The following B4GALNT1 variants were observed in gnomAD, a reference collection of about 807,000 sequenced individuals.
The protein encoded by B4GALNT1 is beta-1,4-N-acetyl-galactosaminyltransferase 1, also known as beta-1,4 N-acetylgalactosaminyltransferase 1.
In B4GALNT1, 43 loss-of-function variants were observed where a neutral mutation model predicts 55.2. The ratio of observed to expected loss-of-function variants is 0.78; its 90% confidence interval spans 0.61 to 1.00. The LOEUF is 1.00. Ranked by LOEUF, B4GALNT1 falls within the 50% of genes least tolerant of loss-of-function variation. The pLI is 0.00. For synonymous variants in B4GALNT1, 305 were observed against 311.6 expected (o/e 0.98, Z 0.22); for missense variants, 664 against 729.7 (o/e 0.91, Z 1.04).
intron 8 of B4GALNT1, 55 bp from the exon 9 acceptor site, chr12:57,628,317 T>A: frequency 1.9e-6 from 3 of 1,605,318 alleles, no homozygotes; most frequent in Non-Finnish European, 2.6e-6. Context: ...CATGGCCCTC[T>A]GCCACCTTTC....
At chr12:57,630,092 A>G in intron 6 of B4GALNT1, 60 bp downstream of exon 6, 1 of 1,613,632 alleles carries the variant, frequency 6.2e-7, no homozygotes. Context: ...TGCCCACTCC[A>G]GCCTTTCTGG....
At chr12:57,632,388 C>G in intron 1 of B4GALNT1, 1 of 637,792 alleles carries the variant, frequency 1.6e-6, no homozygotes, top group Non-Finnish European at 2.8e-6. Flanking sequence ...ACACCCGAGG[C>G]CTGGCATCTT....
intron 1 of B4GALNT1, chr12:57,632,349 C>A (rs746184085): frequency 4.3e-6 from 3 of 690,084 alleles, no homozygotes; most frequent in African/African-American, 1.8e-5. Context: ...CCTTTCTTCT[C>A]GCCCTCTCCT....
At chr12:57,630,897 C>A in intron 4 of B4GALNT1, 83 bp downstream of exon 4, 2 of 1,327,140 alleles carry the variant, frequency 1.5e-6, no homozygotes, top group South Asian at 2.5e-5. Context: ...CCATTCCAAT[C>A]ATCTCCCATT....
Position 57,624,879 on chromosome 12 carries a change from CGG to C in B4GALNT1, c.*1863_*1864del. ...TTGACCTCTTAGCTCCTCCAGGTCC[CGG>C]GGCTCTGCATCCTGAGCTATCCAAC... is the stretch of plus-strand genomic sequence containing the variant. On this transcript the variant is annotated 3_prime_UTR_variant, in exon 11 of 11. Coordinates refer to ENST00000341156, the MANE Select transcript of B4GALNT1 (RefSeq NM_001478.5). The C allele has an allele frequency of 1.2e-6, 2 of 1,614,124 alleles. No homozygotes were observed. The highest frequency in any genetic ancestry group is 1.7e-6 in the Non-Finnish European group (2 of 1,180,022).
rs116098306 is a variant in B4GALNT1, at chr12:57,624,967, C to T, written c.*1777G>A. ...GCAACCTGGAGTGGCACCTGGGGCT[C>T]GGAGAAGGAGAAAAGGTGAAGGAGC... On this transcript the variant is annotated 3_prime_UTR_variant, in exon 11 of 11. Coordinates refer to ENST00000341156, the MANE Select transcript of B4GALNT1 (RefSeq NM_001478.5). 2,943 of 1,614,020 alleles carry T rather than the reference C, an allele frequency of 1.8e-3. 45 individuals are homozygous for T. In the African/African-American group the frequency reaches 0.034, roughly 19 times the overall value.
At position 57,625,221 on chromosome 12, in the gene B4GALNT1, C is replaced by A; in HGVS notation, c.*1523G>T. The A allele has an allele frequency of 1.9e-6, 3 of 1,614,126 alleles. No individual in the cohort carries two copies. Among genetic ancestry groups the A allele is most frequent in the Non-Finnish European group, 2.5e-6 (3 of 1,180,014 alleles). Reference sequence around the variant, plus strand: ...CATGGTGACACCTGGGTACTCCTGTCTTCTCCCATTCTAGTTGCTGAGCCT... The same window carrying A: ...CATGGTGACACCTGGGTACTCCTGTATTCTCCCATTCTAGTTGCTGAGCCT... On this transcript the variant is annotated 3_prime_UTR_variant, in exon 11 of 11. Transcript: ENST00000341156.
chr12:57,632,109 C>A lies in B4GALNT1; in HGVS notation c.24G>T (p.Leu8=). The A allele has an allele frequency of 6.7e-7, 1 of 1,491,468 alleles. No individual in the cohort carries two copies. The highest frequency in any genetic ancestry group is 2.5e-5 in the East Asian group (1 of 39,518). 92.4% of individuals were successfully genotyped at this position (1,491,468 alleles called of 1,614,324 possible). The stretch of plus-strand genomic sequence containing the variant: ...AGGCGAGCAGAAGGACCAGAGCGCA[C>A]AGGGCCCGGCGGCCCAGCCACATCC... The part of the protein sequence containing the change: MWLGRRA[L]CALVLLLACA... Residue 8 remains leucine (L), a synonymous_variant, in exon 2 of 11, where the codon CTG becomes CTT. Transcript: ENST00000341156.
At chr12:57,631,861 C>A in intron 2 of B4GALNT1, 54 bp downstream of exon 2, 1 of 1,345,600 alleles carries the variant, frequency 7.4e-7, no homozygotes. Flanking sequence ...AAAACAAAAG[C>A]CCCCAGACCA....
At position 57,630,256 on chromosome 12, in the gene B4GALNT1, T is replaced by C. The variant is rs868503863; in HGVS notation, c.608A>G (p.Gln203Arg). 1.2e-6 allele frequency: 2 copies of C among 1,614,242 alleles called. No individual in the cohort carries two copies. Among genetic ancestry groups the C allele is most frequent in the East Asian group, 2.2e-5 (1 of 44,894 alleles). Residue 203 changes from glutamine to arginine, a missense_variant, in exon 6 of 11, where the codon CAG (glutamine) becomes CGG (arginine). Physicochemically the swap from Gln to Arg is conservative, Grantham distance 43. Coordinates refer to ENST00000341156, the MANE Select transcript of B4GALNT1 (RefSeq NM_001478.5). ...VTGVTLTGEGQADLTLVSPGL... is the reference protein window; with the variant it reads ...VTGVTLTGEGRADLTLVSPGL... ...TGGGCTGACAAGGGTGAGATCTGCC[T>C]GACCCTCTCCAGTGAGAGTAACTCC...
Position 57,624,201 on chromosome 12 carries a change from C to A in B4GALNT1, c.*2543G>T. ...ATTGTCCTGGTCTTAAGTTCTGCAACCCACCCACTCCCCCAGCAAACATAA... is the reference window on the plus strand; with the variant it reads ...ATTGTCCTGGTCTTAAGTTCTGCAAACCACCCACTCCCCCAGCAAACATAA... On this transcript the variant is annotated 3_prime_UTR_variant, in exon 11 of 11. Transcript: ENST00000341156. The A allele has an allele frequency of 9.6e-7, 1 of 1,039,708 alleles. No homozygotes were observed. The highest frequency in any genetic ancestry group is 1.4e-6 in the Non-Finnish European group (1 of 697,900). 64.4% of individuals were successfully genotyped at this position (1,039,708 alleles called of 1,614,324 possible). A position where few individuals can be genotyped will look rare whatever the true frequency, so the allele number is the denominator to read the frequency against.
rs745801616 is a variant in B4GALNT1 at position 57,627,599 on chromosome 12, G to A, written c.1384+19C>T. ...CGTGGGGCTCCTGCCAGGGTCGACC[G>A]GGAGGGGGTGCCACTCACCCAGATG... On this transcript the variant is annotated intron_variant, in intron 10 of 10. Transcript: ENST00000341156. The A allele has an allele frequency of 2.6e-6, 4 of 1,566,468 alleles. No individual in the cohort carries two copies. The highest frequency in any genetic ancestry group is 1.2e-5 in the South Asian group (1 of 84,942).
chr12:57,628,101 A>G, intron 9 of B4GALNT1, 21 bp downstream of exon 9: 1 of 1,612,482 alleles, frequency 6.2e-7, no homozygotes. Flanking sequence ...CCACCCCCAC[A>G]TCCTGCAGCC....
chr12:57,625,506 T>C lies in B4GALNT1; in HGVS notation c.*1238A>G, dbSNP rs751307400. On this transcript the variant is annotated 3_prime_UTR_variant, in exon 11 of 11. Transcript: ENST00000341156. ...AGAGCGGGGCCCAGTGCCTGGGCAA[T>C]GACTGGACACCTGCGGTAGGGAAAA... 6.2e-7 allele frequency: 1 copy of C among 1,613,882 alleles called. No homozygotes were observed. Among genetic ancestry groups the C allele is most frequent in the African/African-American group, 1.3e-5 (1 of 74,914 alleles).
In B4GALNT1 at chr12:57,625,899, G is replaced by A; in HGVS notation, c.*845C>T. 2 of 845,132 alleles carry A rather than the reference G, an allele frequency of 2.4e-6. No individual in the cohort carries two copies. The highest frequency in any genetic ancestry group is 3.3e-6 in the Non-Finnish European group (2 of 601,096). The allele number at this position is 845,132 out of a possible 1,614,324, so 52.4% of individuals were successfully genotyped here. ...TATGGGTGAGGAACTGAAGAACTCAGATCCCTAAGTAGGTGGGGTACCCCT... is the reference window on the plus strand; with the variant it reads ...TATGGGTGAGGAACTGAAGAACTCAAATCCCTAAGTAGGTGGGGTACCCCT... On this transcript the variant is annotated 3_prime_UTR_variant, in exon 11 of 11. Transcript: ENST00000341156.
In B4GALNT1 at chr12:57,625,955, G is replaced by C; in HGVS notation, c.*789C>G. ...GACTGCCACATTTCATTAAGGAAGAGGGGTGCCTAATCTATTCCTGACATG... is the reference window on the plus strand; with the variant it reads ...GACTGCCACATTTCATTAAGGAAGACGGGTGCCTAATCTATTCCTGACATG... On this transcript the variant is annotated 3_prime_UTR_variant, in exon 11 of 11. Coordinates refer to ENST00000341156, the MANE Select transcript of B4GALNT1 (RefSeq NM_001478.5). 1 of 492,034 alleles carries C rather than the reference G, an allele frequency of 2.0e-6. No homozygotes were observed. The highest frequency in any genetic ancestry group is 3.4e-6 in the Non-Finnish European group (1 of 291,434). 30.5% of individuals were successfully genotyped at this position (492,034 alleles called of 1,614,324 possible).
chr12:57,627,649 G>T lies in B4GALNT1; in HGVS notation c.1353C>A (p.Phe451Leu). 1 of 1,601,768 alleles carries T rather than the reference G, an allele frequency of 6.2e-7. No individual in the cohort carries two copies. Among genetic ancestry groups the T allele is most frequent in the Non-Finnish European group, 8.5e-7 (1 of 1,171,480 alleles). ...ARTDKVREVGFDPRLSRVAHL... is the reference protein window; with the variant it reads ...ARTDKVREVGLDPRLSRVAHL... ...GAGCCACGCGGCTGAGGCGGGGGTC[G>T]AAACCGACCTCGCGCACCTTGTCAG... Residue 451 changes from phenylalanine to leucine, a missense_variant, in exon 10 of 11, where the codon TTC becomes TTA. Phe to Leu is a conservative substitution (Grantham distance 22, BLOSUM62 0). Coordinates refer to ENST00000341156, the MANE Select transcript of B4GALNT1 (RefSeq NM_001478.5).
intron 9 of B4GALNT1, 28 bp downstream of exon 9, chr12:57,628,094 C>T: frequency 6.2e-7 from 1 of 1,611,912 alleles, no homozygotes; most frequent in Non-Finnish European, 8.5e-7. Flanking sequence ...CCCTTCTCCA[C>T]CCCCACATCC....
At position 57,631,010 on chromosome 12, in the gene B4GALNT1, C is replaced by T. The variant is rs761974785; in HGVS notation, c.460G>A (p.Val154Ile). 2.9e-5 allele frequency: 46 copies of T among 1,613,218 alleles called. No individual in the cohort carries two copies. The highest frequency in any genetic ancestry group is 3.9e-5 in the Non-Finnish European group (46 of 1,179,916). The change falls in exon 4 of 11, where the codon GTT becomes ATT. Residue 154 changes from valine to isoleucine, a missense_variant. Val to Ile is a conservative substitution (Grantham distance 29). Transcript: ENST00000341156. ...ACCAAGATGCTCCTGAGGGGCTGAACTTCCACACCCTGTAGGGGGTACTGG... is the reference window on the plus strand; with the variant it reads ...ACCAAGATGCTCCTGAGGGGCTGAATTTCCACACCCTGTAGGGGGTACTGG... ...PLQYPLQGVEVQPLRSILVPG... is the reference protein window; with the variant it reads ...PLQYPLQGVEIQPLRSILVPG...
Sources: gnomAD v4.1 joint callset for allele counts on GRCh38, gnomAD v4.1.1 for gene constraint, MANE v1.5 for transcripts, NCBI Gene and HGNC (gene_info 2026-07-23, HGNC 2026-07-21) for gene names.